The following DNMBP variants were observed in gnomAD, a reference collection of about 807,000 sequenced individuals.
The protein encoded by DNMBP is dynamin-binding protein.
Under a neutral mutation model 150.0 loss-of-function variants are expected in DNMBP, and 87 were observed. That is an observed-to-expected ratio of 0.58 (90% CI 0.49 to 0.69). DNMBP has a LOEUF of 0.69. Among genes scored for constraint, DNMBP ranks in the 30% least tolerant of loss-of-function variants. The pLI, the probability that DNMBP is intolerant of heterozygous loss-of-function variation, is 0.00. For missense variants in DNMBP, 1,774 were observed against 1,949.0 expected (o/e 0.91, Z 1.69); for synonymous variants, 711 against 750.4 (o/e 0.95, Z 0.86).
chr10:99,892,299 G>A, intron 11 of DNMBP, among the ~76,000 whole-genome samples: 1 of 148,418 alleles, frequency 6.7e-6, no homozygotes, highest in Non-Finnish European at 1.5e-5. Context: ...GACAATGGCG[G>A]CTTTGTGGAA....
In DNMBP at chr10:99,908,114, CAT is replaced by C; in HGVS notation, c.2455-22_2455-21del. On this transcript the variant is annotated intron_variant, in intron 5 of 16. Transcript: ENST00000324109. ...TGGTACCTGAGAAAAGGAAACAAAA[CAT>C]AAAAATGCACGGAAATGAGCTTAAT... 1.3e-6 allele frequency: 2 copies of C among 1,532,592 alleles called. No individual in the cohort carries two copies. The highest frequency in any genetic ancestry group is 2.2e-5 in the South Asian group (2 of 89,154). The allele number at this position is 1,532,592 out of a possible 1,614,324, so 94.9% of individuals were successfully genotyped here. A position where few individuals can be genotyped will look rare whatever the true frequency, so the allele number is the denominator to read the frequency against.
At chr10:99,998,096 G>A (rs1361207272) in intron 1 of DNMBP, among the ~76,000 whole-genome samples, 22 of 151,528 alleles carry the variant, frequency 1.5e-4, no homozygotes, top group East Asian at 3.9e-4. Context: ...TTAGCCAGGC[G>A]TGGTGGCGCA....
intron 2 of DNMBP, among the ~76,000 whole-genome samples, chr10:99,970,203 T>C (rs1450193900): frequency 6.6e-6 from 1 of 152,182 alleles, no homozygotes; most frequent in Non-Finnish European, 1.5e-5. Context: ...ATACCATTTC[T>C]ACTGGGAAAT....
chr10:99,938,481 T>C (rs1346733482), intron 4 of DNMBP, among the ~76,000 whole-genome samples: 2 of 152,046 alleles, frequency 1.3e-5, no homozygotes, highest in African/African-American at 2.4e-5. Context: ...GAGGCGGAGG[T>C]TGCAGTGAGC....
At chr10:99,883,366 T>C (rs1295678187) in intron 15 of DNMBP, among the ~76,000 whole-genome samples, 1 of 152,008 alleles carries the variant, frequency 6.6e-6, no homozygotes, top group Non-Finnish European at 1.5e-5. Flanking sequence ...GACAAATTCA[T>C]GGAAACTGGA....
rs144751467 is a variant in DNMBP, at chr10:99,885,760, A to G, written c.3725T>C (p.Leu1242Pro). The G allele has an allele frequency of 5.0e-6, 8 of 1,606,040 alleles. No individual in the cohort carries two copies. In the African/African-American group the frequency reaches 9.4e-5, roughly 19 times the overall value. ...CTCAAATGGCTTCTTGGTAGCTGGA[A>G]GAGACTCCGGGAAGAAGGTAAAAAC... The part of the protein sequence containing the change: ...LQVFTFFPES[L>P]PATKKPFERK... Residue 1242 changes from leucine (L) to proline (P), a missense_variant, in exon 14 of 17, where the codon CTT becomes CCT. Leu to Pro is a moderately conservative substitution (Grantham distance 98). Around this residue, in one of 2 missense-constraint regions of DNMBP, gnomAD observed 1,430 missense variants for 1,492.5 expected, o/e 0.96. Transcript: ENST00000324109.
chr10:99,940,939 C>T (rs917138468), intron 4 of DNMBP, among the ~76,000 whole-genome samples: 2 of 152,152 alleles, frequency 1.3e-5, no homozygotes, highest in Admixed American at 6.5e-5. Flanking sequence ...GGCTGGAGTA[C>T]GGTGGCGCGA....
At chr10:100,003,139 C>T (rs1394459717) in intron 1 of DNMBP, among the ~76,000 whole-genome samples, 1 of 152,086 alleles carries the variant, frequency 6.6e-6, no homozygotes, top group East Asian at 1.9e-4. Context: ...CACAAGGTCA[C>T]ATTGAGACCA....
Position 99,909,215 on chromosome 10 carries a change from A to C in DNMBP, c.2261-69T>G, listed in dbSNP as rs2039870830. 3 of 1,287,432 alleles carry C rather than the reference A, an allele frequency of 2.3e-6. No individual in the cohort carries two copies. In the South Asian group the frequency reaches 4.1e-5, roughly 18 times the overall value. 79.8% of individuals were successfully genotyped at this position (1,287,432 alleles called of 1,614,324 possible). On this transcript the variant is annotated intron_variant, in intron 4 of 16. Coordinates refer to ENST00000324109, the MANE Select transcript of DNMBP (RefSeq NM_015221.4). ...GCAGCACCCTTCCACAGTTTGAGGC[A>C]AACAGAACCCATTTCCTGAGAACCA...
Position 99,898,776 on chromosome 10 carries a change from C to T in DNMBP, c.2703-16G>A, listed in dbSNP as rs563812006. ...GTATAGGCTCCTGCAAGGCAGTGGG[C>T]ATGAAAAGAAAAGAGACAGTTTATT... is the stretch of plus-strand genomic sequence containing the variant. On this transcript the variant is annotated splice_polypyrimidine_tract_variant and intron_variant, in intron 7 of 16. Coordinates refer to ENST00000324109, the MANE Select transcript of DNMBP (RefSeq NM_015221.4). The T allele has an allele frequency of 5.6e-6, 9 of 1,611,912 alleles. No individual in the cohort carries two copies. In the South Asian group the frequency reaches 9.9e-5, roughly 18 times the overall value.
At chr10:99,882,707 G>A (rs1330781424) in intron 15 of DNMBP, among the ~76,000 whole-genome samples, 2 of 152,180 alleles carry the variant, frequency 1.3e-5, no homozygotes, top group Admixed American at 1.3e-4. Context: ...TCATGTTGGA[G>A]ATGTAGTCAT....
In DNMBP at chr10:99,938,928, T is replaced by C. The variant is rs575463799; in HGVS notation, c.2260+16286A>G. 3.9e-5 allele frequency among the ~76,000 whole-genome samples: 6 copies of C among 152,288 alleles called. No homozygotes were observed. The East Asian group carries it at 1.2e-3, about 29-fold the overall frequency. On this transcript the variant is annotated intron_variant, in intron 4 of 16. Coordinates refer to ENST00000324109, the MANE Select transcript of DNMBP (RefSeq NM_015221.4). ...CTCCACTGGCTCTTTTCAGCAGTCC[T>C]GAAGCACCACCTCACCGTGATGTTT... is the stretch of plus-strand genomic sequence containing the variant.
At chr10:99,904,724 G>A (rs943269532) in intron 6 of DNMBP, among the ~76,000 whole-genome samples, 3 of 152,168 alleles carry the variant, frequency 2.0e-5, no homozygotes, top group Admixed American at 6.5e-5. Context: ...TCAACACATC[G>A]AAGCCTGCTA....
intron 6 of DNMBP, among the ~76,000 whole-genome samples, chr10:99,900,280 ATG>A (rs1168040803): frequency 3.9e-5 from 6 of 152,018 alleles, no homozygotes; most frequent in African/African-American, 1.4e-4. Context: ...TCATCCGTAT[ATG>A]TATGTATTCA....
chr10:99,976,558 C>T (rs1589446716), intron 1 of DNMBP, among the ~76,000 whole-genome samples: 1 of 152,278 alleles, frequency 6.6e-6, no homozygotes, highest in East Asian at 1.9e-4. Context: ...CACACGCATA[C>T]TACCAAAATT....
intron 3 of DNMBP, among the ~76,000 whole-genome samples, chr10:99,967,553 A>G (rs2040631767): frequency 6.6e-6 from 1 of 152,184 alleles, no homozygotes; most frequent in South Asian, 2.1e-4. Context: ...AATAAACAAA[A>G]TAAAACAAAA....
intron 4 of DNMBP, among the ~76,000 whole-genome samples, chr10:99,919,444 A>T (rs2039998697): frequency 6.6e-6 from 1 of 152,180 alleles, no homozygotes. Context: ...TATCTTTTAC[A>T]ACTATCCCAC....
chr10:100,001,966 C>T (rs1009801735), intron 1 of DNMBP, among the ~76,000 whole-genome samples: 1 of 152,156 alleles, frequency 6.6e-6, no homozygotes, highest in Non-Finnish European at 1.5e-5. Context: ...GAGGCTCCCT[C>T]AGGCATAAAC....
At chr10:99,933,860 CGCAGCAG>C (rs2040191503) in intron 4 of DNMBP, among the ~76,000 whole-genome samples, 3 of 152,194 alleles carry the variant, frequency 2.0e-5, no homozygotes, top group Admixed American at 6.5e-5. Context: ...CCTCAGCCTC[CGCAGCAG>C]CTGGGACTAC....
Sources: gnomAD v4.1 joint callset for allele counts (sites outside exome capture counted in the v4.1 genomes callset) on GRCh38, gnomAD v4.1.1 for gene constraint, gnomAD v4.1.1 regional missense constraint, MANE v1.5 for transcripts, NCBI Gene and HGNC (gene_info 2026-07-23, HGNC 2026-07-21) for gene names.